DNMT3A: variants seen among roughly 807,000 people sequenced by gnomAD.
DNMT3A encodes DNA (cytosine-5)-methyltransferase 3A.
A neutral mutation model predicts 117.6 loss-of-function variants in DNMT3A; 267 were observed. The observed-to-expected ratio is 2.27, with a 90% CI of 2.05 to 2.51. The LOEUF (loss-of-function observed/expected upper bound fraction) is 2.51, where lower values mean the gene tolerates loss of function less well. DNMT3A is among the 30% of genes most tolerant of loss of function. The pLI is 0.00. For synonymous variants in DNMT3A, 432 were observed against 474.8 expected (o/e 0.91, Z 1.17); for missense variants, 1,029 against 1,260.2 (o/e 0.82, Z 2.78).
Position 25,282,835 on chromosome 2 carries a change from T to C in DNMT3A, c.178-124A>G, listed in dbSNP as rs2031988972. 1.6e-6 allele frequency: 2 copies of C among 1,234,034 alleles called. No individual in the cohort carries two copies. The highest frequency in any genetic ancestry group is 2.2e-6 in the Non-Finnish European group (2 of 919,596). The allele number at this position is 1,234,034 out of a possible 1,614,324, so 76.4% of individuals were successfully genotyped here. On this transcript the variant is annotated intron_variant, in intron 3 of 22. Transcript: ENST00000321117. This position sits in a 1 kb window ranked among gnomAD's most constrained non-coding sequence, Gnocchi z 5.2. The stretch of plus-strand genomic sequence containing the variant: ...ACTTTCTGTCCAGAAACTGTGTTCA[T>C]ATAAACCTTCATGCAAACAGATACA...
In DNMT3A at chr2:25,241,560, A is replaced by T; in HGVS notation, c.2082+2T>A. On this transcript the variant is annotated splice_donor_variant, in intron 17 of 22. Coordinates refer to ENST00000321117, the MANE Select transcript of DNMT3A (RefSeq NM_022552.5). LOFTEE classifies it high-confidence loss of function. ...GGGCTGCGCCCCACAGCATGGACAT[A>T]CATGCTTCTGTGTGACGCTGCGGAC... The T allele has an allele frequency of 6.2e-7, 1 of 1,612,762 alleles. No individual in the cohort carries two copies. Among genetic ancestry groups the T allele is most frequent in the African/African-American group, 1.3e-5 (1 of 74,966 alleles).
chr2:25,338,653 G>C (rs149836226), intron 1 of DNMT3A, among the ~76,000 whole-genome samples: 1 of 152,330 alleles, frequency 6.6e-6, no homozygotes, highest in African/African-American at 2.4e-5. Flanking sequence ...AGGGAGGCAA[G>C]GCCCCTGTTT....
chr2:25,300,208 C>T lies in DNMT3A; in HGVS notation c.108G>A (p.Glu36=), dbSNP rs1293915519. 2 of 1,611,252 alleles carry T rather than the reference C, an allele frequency of 1.2e-6. No individual in the cohort carries two copies. The highest frequency in any genetic ancestry group is 1.7e-6 in the Non-Finnish European group (2 of 1,179,958). Residue 36 remains glutamate (E), a synonymous_variant, in exon 3 of 23, where the codon GAG becomes GAA. Coordinates refer to ENST00000321117, the MANE Select transcript of DNMT3A (RefSeq NM_022552.5). ...GEEQEEPRGK[E]ERQEPSTTAR... ...CCGTGGTGCTGGGCTCTTGGCGCTC[C>T]TCCTTGCCACGCGGCTCCTCCTGCT...
At chr2:25,240,845 G>T in intron 17 of DNMT3A, 115 bp from the exon 18 acceptor site, 1 of 1,007,636 alleles carries the variant, frequency 9.9e-7, no homozygotes, top group South Asian at 1.5e-5. Flanking sequence ...AAAGAGAGGA[G>T]ACCCAGCTGC....
chr2:25,241,619 C>T lies in DNMT3A; in HGVS notation c.2025G>A (p.Val675=). The stretch of plus-strand genomic sequence containing the variant: ...CGTACATGATCTTCCCCTGGTGCCG[C>T]ACCATGCCCACCGTGATGGAGTCCT... ...VCEDSITVGM[V]RHQGKIMYVG... Residue 675 remains valine (V), a synonymous_variant, in exon 17 of 23, where the codon GTG becomes GTA. Coordinates refer to ENST00000321117, the MANE Select transcript of DNMT3A (RefSeq NM_022552.5). 1.2e-6 allele frequency: 2 copies of T among 1,614,098 alleles called. No individual in the cohort carries two copies. The highest frequency in any genetic ancestry group is 1.7e-6 in the Non-Finnish European group (2 of 1,180,000).
At chr2:25,333,492 G>A (rs1353059374) in intron 1 of DNMT3A, among the ~76,000 whole-genome samples, 1 of 150,618 alleles carries the variant, frequency 6.6e-6, no homozygotes, top group Non-Finnish European at 1.5e-5. Context: ...ATCACACCCA[G>A]CTAAATTTTT....
rs528264386 is a variant in DNMT3A, at chr2:25,339,092, G to A, written c.-178+2734C>T. Among the ~76,000 whole-genome samples the A allele has an allele frequency of 7.2e-5, 11 of 152,030 alleles. 1 individual carries two copies. In the South Asian group the frequency reaches 8.3e-4, roughly 12 times the overall value. The stretch of plus-strand genomic sequence containing the variant: ...CTTCCCAAGGCCCAACTCGCTGGGC[G>A]CCCTGATCTCTCTCATATCTCCTTC... On this transcript the variant is annotated intron_variant, in intron 1 of 22. Transcript: ENST00000321117. This position sits in a 1 kb window ranked among gnomAD's most constrained non-coding sequence, Gnocchi z 4.9.
chr2:25,299,280 C>T (rs779255065), intron 3 of DNMT3A, among the ~76,000 whole-genome samples: 4 of 152,162 alleles, frequency 2.6e-5, no homozygotes, highest in Non-Finnish European at 5.9e-5. Flanking sequence ...AGAAGCCTGG[C>T]GCTGGGGCTG....
At chr2:25,239,109 G>A in intron 20 of DNMT3A, 21 bp downstream of exon 20, 5 of 1,612,114 alleles carry the variant, frequency 3.1e-6, no homozygotes, top group Non-Finnish European at 4.2e-6. Flanking sequence ...CAGCCCCCCA[G>A]GCCCAGGAGC....
rs973149983 is a variant in DNMT3A, at chr2:25,282,782, C to T, written c.178-71G>A. 23 of 1,467,456 alleles carry T rather than the reference C, an allele frequency of 1.6e-5. No homozygotes were observed. The African/African-American group carries it at 1.6e-4, about 10-fold the overall frequency. 90.9% of individuals were successfully genotyped at this position (1,467,456 alleles called of 1,614,324 possible). A position where few individuals can be genotyped will look rare whatever the true frequency, so the allele number is the denominator to read the frequency against. ...GCTTAGCCTGTTTTGGATCATTGACCGCTCTGAAATTCTAGAGAATGTTAT... is the reference window on the plus strand; with the variant it reads ...GCTTAGCCTGTTTTGGATCATTGACTGCTCTGAAATTCTAGAGAATGTTAT... On this transcript the variant is annotated intron_variant, in intron 3 of 22. Coordinates refer to ENST00000321117, the MANE Select transcript of DNMT3A (RefSeq NM_022552.5). This position sits in a 1 kb window ranked among gnomAD's most constrained non-coding sequence, Gnocchi z 5.2.
chr2:25,298,456 G>A lies in DNMT3A; in HGVS notation c.177+1683C>T, dbSNP rs1249841140. ...ACAAAGATGAGTCAAAGGGTTGCTG[G>A]GTCTTTATTTGCTACAGGTGGTGGC... On this transcript the variant is annotated intron_variant, in intron 3 of 22. Coordinates refer to ENST00000321117, the MANE Select transcript of DNMT3A (RefSeq NM_022552.5). The surrounding 1 kb of genome is among the most constrained non-coding windows in gnomAD (Gnocchi z 4.3). Among the ~76,000 whole-genome samples the A allele has an allele frequency of 1.3e-5, 2 of 152,218 alleles. No homozygotes were observed. The highest frequency in any genetic ancestry group is 2.9e-5 in the Non-Finnish European group (2 of 68,046).
Position 25,277,107 on chromosome 2 carries a change from C to T in DNMT3A, c.449-1564G>A, listed in dbSNP as rs560735298. On this transcript the variant is annotated intron_variant, in intron 4 of 22. Transcript: ENST00000321117. Reference sequence around the variant, plus strand: ...TGCGGGCCTGGCGCCGGGCTCAGCCCGCGGGGGCCGCGTGGGCGGGGACGG... The same window carrying T: ...TGCGGGCCTGGCGCCGGGCTCAGCCTGCGGGGGCCGCGTGGGCGGGGACGG... 2.6e-4 allele frequency among the ~76,000 whole-genome samples: 40 copies of T among 152,256 alleles called. No homozygotes were observed. In the East Asian group the frequency reaches 7.4e-3, roughly 28 times the overall value.
At chr2:25,251,164 G>A (rs1389131803) in intron 6 of DNMT3A, among the ~76,000 whole-genome samples, 1 of 87,776 alleles carries the variant, frequency 1.1e-5, no homozygotes. Flanking sequence ...GGGGGGGGGG[G>A]TGGGTGAGCA....
intron 1 of DNMT3A, among the ~76,000 whole-genome samples, chr2:25,335,351 C>G (rs527992150): frequency 1.9e-4 from 29 of 152,356 alleles, no homozygotes; most frequent in African/African-American, 6.7e-4. Flanking sequence ...GCTGGGGAAT[C>G]CCACTGGCTT....
rs546568908 is a variant in DNMT3A at position 25,268,908 on chromosome 2, A to G, written c.639+6033T>C. Among the ~76,000 whole-genome samples the G allele has an allele frequency of 4.6e-5, 7 of 152,380 alleles. No individual in the cohort carries two copies. The South Asian group carries it at 1.5e-3, about 32-fold the overall frequency. Reference sequence around the variant, plus strand: ...CCAACTGCTTAGCCAGCCAGCAGGTATTCACTGGGCCTGTTCTCCCTGCCC... The same window carrying G: ...CCAACTGCTTAGCCAGCCAGCAGGTGTTCACTGGGCCTGTTCTCCCTGCCC... On this transcript the variant is annotated intron_variant, in intron 6 of 22. Transcript: ENST00000321117.
chr2:25,243,847 C>G, intron 16 of DNMT3A, 51 bp downstream of exon 16: 2 of 1,544,810 alleles, frequency 1.3e-6, no homozygotes, highest in Non-Finnish European at 1.8e-6. Context: ...ACACCTGGCT[C>G]CCCCATCCTG....
intron 1 of DNMT3A, among the ~76,000 whole-genome samples, chr2:25,330,150 C>T (rs2034960376): frequency 6.6e-6 from 1 of 152,242 alleles, no homozygotes; most frequent in Admixed American, 6.5e-5. Context: ...TTACCATTTA[C>T]ACCTAATTAC....
intron 16 of DNMT3A, among the ~76,000 whole-genome samples, chr2:25,242,987 A>G (rs1674263375): frequency 6.6e-6 from 1 of 152,178 alleles, no homozygotes; most frequent in Non-Finnish European, 1.5e-5. Flanking sequence ...GACTCAATGG[A>G]ACCTTACGCA....
At chr2:25,335,724 C>T (rs1573514592) in intron 1 of DNMT3A, among the ~76,000 whole-genome samples, 1 of 152,166 alleles carries the variant, frequency 6.6e-6, no homozygotes, top group Admixed American at 6.5e-5. Context: ...GGTCCTCCGT[C>T]CCCTCTGTGC....
Sources: allele counts gnomAD v4.1 joint callset (sites outside exome capture counted in the v4.1 genomes callset), GRCh38; gene constraint gnomAD v4.1.1; non-coding constraint Gnocchi (gnomAD v3.1); transcripts MANE v1.5; gene names NCBI Gene and HGNC (gene_info 2026-07-23, HGNC 2026-07-21).